The following AMOT variants were observed in gnomAD, a reference collection of about 807,000 sequenced individuals.
AMOT encodes angiomotin.
In AMOT, 11 loss-of-function variants were observed where a neutral mutation model predicts 67.0. That is an observed-to-expected ratio of 0.16 (90% CI 0.10 to 0.27). The LOEUF is 0.27. Ranked by LOEUF, AMOT falls within the 10% of genes least tolerant of loss-of-function variation. The probability of loss-of-function intolerance (pLI) is 1.00; values close to 1 mark genes in which losing one functional copy is unlikely to be tolerated. For missense variants in AMOT, 753 were observed against 852.0 expected, an observed-to-expected ratio of 0.88 and a Z score of 1.45; for synonymous variants, 326 against 321.4, an observed-to-expected ratio of 1.01 and a Z score of -0.15.
intron 2 of AMOT, among the ~76,000 whole-genome samples, chrX:112,827,005 G>A (rs754744365): frequency 1.6e-4 from 18 of 111,940 alleles, no homozygotes; most frequent in African/African-American, 3.6e-4. Context: ...TTACAGGCAC[G>A]TGTCACCATG....
intron 1 of AMOT, among the ~76,000 whole-genome samples, chrX:112,836,989 T>C (rs1935147015): frequency 1.8e-5 from 2 of 111,147 alleles, no homozygotes; most frequent in Non-Finnish European, 3.8e-5. Context: ...GAAATCTTAT[T>C]GCAGATTCTT....
At chrX:112,795,362 A>G (rs770763743) in intron 8 of AMOT, among the ~76,000 whole-genome samples, 1 of 110,597 alleles carries the variant, frequency 9.0e-6, no homozygotes, top group African/African-American at 3.3e-5. Flanking sequence ...GGTGACAATT[A>G]GGAGACTTGG....
intron 3 of AMOT, among the ~76,000 whole-genome samples, chrX:112,824,541 G>A (rs1005260267): frequency 3.1e-4 from 35 of 111,323 alleles, no homozygotes; most frequent in African/African-American, 1.1e-3. Flanking sequence ...AGTATATGAA[G>A]AAAGTTCATC....
chrX:112,827,208 T>C (rs182483941), intron 2 of AMOT, among the ~76,000 whole-genome samples: 1 of 112,585 alleles, frequency 8.9e-6, no homozygotes, highest in East Asian at 2.8e-4. Context: ...TGGACACAGA[T>C]CGTTCCCCTA....
At chrX:112,823,573 TG>T (rs1356679076) in intron 3 of AMOT, among the ~76,000 whole-genome samples, 1 of 110,942 alleles carries the variant, frequency 9.0e-6, no homozygotes, top group Non-Finnish European at 1.9e-5. Flanking sequence ...GCTGTGGAGG[TG>T]GGGGCAGGAC....
At chrX:112,834,265 A>G (rs1935076699) in intron 1 of AMOT, among the ~76,000 whole-genome samples, 1 of 111,840 alleles carries the variant, frequency 8.9e-6, no homozygotes, top group South Asian at 3.8e-4. Context: ...TCGGATAATG[A>G]GAAGCATGTG....
chrX:112,821,274 C>G (rs931689004), intron 4 of AMOT, among the ~76,000 whole-genome samples: 1 of 111,513 alleles, frequency 9.0e-6, no homozygotes, highest in Non-Finnish European at 1.9e-5. Context: ...CACTTCAAAC[C>G]TGATGGTCAC....
At chrX:112,805,368 A>G (rs1934142440) in intron 7 of AMOT, among the ~76,000 whole-genome samples, 1 of 57,958 alleles carries the variant, frequency 1.7e-5, no homozygotes, top group South Asian at 1.4e-3. Context: ...TTATACAAAG[A>G]ATACACACAC....
chrX:112,820,917 G>T (rs1042008745), intron 4 of AMOT, among the ~76,000 whole-genome samples: 12 of 107,705 alleles, frequency 1.1e-4, no homozygotes, highest in Admixed American at 4.0e-4. Flanking sequence ...GCACAGAGGA[G>T]GTTGAAAAGG....
At chrX:112,787,410 CAAG>C (rs996343010) in intron 10 of AMOT, among the ~76,000 whole-genome samples, 3 of 111,609 alleles carry the variant, frequency 2.7e-5, no homozygotes, top group Non-Finnish European at 5.6e-5. Flanking sequence ...ATATGTCAAA[CAAG>C]AAGAGTAAAT....
chrX:112,822,880 G>C lies in AMOT; in HGVS notation c.247C>G (p.Gln83Glu). The C allele has an allele frequency of 8.6e-7, 1 of 1,167,910 alleles. No individual in the cohort carries two copies. The highest frequency in any genetic ancestry group is 1.9e-5 in the South Asian group (1 of 52,662). ...ATGAGGTTTTCTGACTGGATTTCCT[G>C]CCCCTGGGGTTCTTGTCGAGCAGCA... ...AHAARQEPQG[Q>E]EIQSENLIME... Residue 83 changes from glutamine to glutamate, a missense_variant, in exon 4 of 14, where the codon CAG (glutamine) becomes GAG (glutamate). Coordinates refer to ENST00000371959, the MANE Select transcript of AMOT (RefSeq NM_001113490.2).
At chrX:112,805,251 C>A (rs644416) in intron 7 of AMOT, among the ~76,000 whole-genome samples, 159 bp from the exon 8 acceptor site, 26,408 of 110,033 alleles carry the variant, frequency 0.24, 3,755 homozygotes, top group African/African-American at 0.53. Context: ...CACTGGCTCT[C>A]TCACTAACTT....
intron 13 of AMOT, 113 bp from the exon 14 acceptor site, chrX:112,778,777 GC>G (rs1196407560): frequency 1.4e-6 from 1 of 730,213 alleles, no homozygotes; most frequent in Non-Finnish European, 2.0e-6. Context: ...AGACTTGCCT[GC>G]CACCTCCCTC....
chrX:112,787,753 G>T (rs758684613), intron 10 of AMOT, among the ~76,000 whole-genome samples: 53 of 111,796 alleles, frequency 4.7e-4, no homozygotes, highest in Admixed American at 9.5e-4. Flanking sequence ...TTTACCAAAT[G>T]AGCTATTAGG....
In AMOT at chrX:112,776,392, T is replaced by C. The variant is rs1254913515; in HGVS notation, c.*2175A>G. 8.9e-6 allele frequency: 1 copy of C among 112,399 alleles called. No individual in the cohort carries two copies. The highest frequency in any genetic ancestry group is 1.9e-5 in the Non-Finnish European group (1 of 53,306). 9.3% of individuals were successfully genotyped at this position (112,399 alleles called of 1,213,427 possible). ...CTTCTACTATTTGAGTGTTTTTTTC[T>C]CCTTATGACTAAAGGGTAGTATGAA... is the stretch of plus-strand genomic sequence containing the variant. On this transcript the variant is annotated 3_prime_UTR_variant, in exon 14 of 14. Transcript: ENST00000371959.
intron 5 of AMOT, among the ~76,000 whole-genome samples, chrX:112,813,512 TA>T (rs1306412542): frequency 1.8e-5 from 2 of 111,755 alleles, no homozygotes; most frequent in African/African-American, 6.5e-5. Flanking sequence ...GGTCAGCCTC[TA>T]CTTTCCCAAC....
intron 1 of AMOT, among the ~76,000 whole-genome samples, chrX:112,838,893 G>A (rs1263672091): frequency 8.9e-6 from 1 of 112,158 alleles, no homozygotes; most frequent in Non-Finnish European, 1.9e-5. Context: ...AATGACGCCG[G>A]ATAAACCCAT....
In AMOT at chrX:112,780,975, C is replaced by G. The variant is rs1295606041; in HGVS notation, c.2384G>C (p.Gly795Ala). 3 of 1,212,002 alleles carry G rather than the reference C, an allele frequency of 2.5e-6. No individual in the cohort carries two copies. In the East Asian group the frequency reaches 8.9e-5, roughly 36 times the overall value. ...AKSLMSISNA[G>A]SGLLSHSSTL... is the part of the protein sequence containing the mutation. ...GGATGAGTGGGAGAGCAAGCCTGAT[C>G]CAGCATTGGAAATGGACATCAGAGA... Residue 795 changes from glycine (G) to alanine (A), a missense_variant, in exon 12 of 14, where the codon GGA (glycine) becomes GCA (alanine). Gly to Ala is a moderately conservative substitution (Grantham distance 60). This residue lies in a region of AMOT where 269 missense variants were observed against 300.9 expected (regional missense o/e 0.89). Coordinates refer to ENST00000371959, the MANE Select transcript of AMOT (RefSeq NM_001113490.2).
chrX:112,831,435 C>G (rs1185636571), intron 2 of AMOT, among the ~76,000 whole-genome samples: 4 of 101,070 alleles, frequency 4.0e-5, no homozygotes, highest in Admixed American at 2.2e-4. Flanking sequence ...CTAGGTAAGG[C>G]CTAGGGTGGC....
Sources: gnomAD v4.1 joint callset for allele counts (sites outside exome capture counted in the v4.1 genomes callset) on GRCh38, gnomAD v4.1.1 for gene constraint, gnomAD v4.1.1 regional missense constraint, MANE v1.5 for transcripts, NCBI Gene and HGNC (gene_info 2026-07-23, HGNC 2026-07-21) for gene names.